Variants in GLIS3 observed in about 807,000 individuals in gnomAD.
The protein encoded by GLIS3 is GLIS family zinc finger 3.
Under a neutral mutation model 78.6 loss-of-function variants are expected in GLIS3, and 53 were observed. The ratio of observed to expected loss-of-function variants is 0.67; its 90% CI spans 0.54 to 0.85. The LOEUF (loss-of-function observed/expected upper bound fraction) is 0.85, where lower values mean the gene tolerates loss of function less well. Among genes scored for constraint, GLIS3 ranks in the 40% least tolerant of loss-of-function variants. The probability of loss-of-function intolerance (pLI) is 0.00; values close to 1 mark genes in which losing one functional copy is unlikely to be tolerated. For synonymous variants in GLIS3, 684 were observed against 509.9 expected (o/e 1.34, Z -4.60); for missense variants, 1,703 against 1,231.1 (o/e 1.38, Z -5.74).
At chr9:3,871,783 A>T (rs1475045460) in intron 8 of GLIS3, among the ~76,000 whole-genome samples, 3 of 152,180 alleles carry the variant, frequency 2.0e-5, no homozygotes, top group Non-Finnish European at 2.9e-5. Context: ...GACCTCTGAG[A>T]TGCACTGGAG....
the GLIS3 span, among the ~76,000 whole-genome samples, chr9:4,356,236 A>G: frequency 0.015 from 2,221 of 152,286 alleles, 59 homozygotes; most frequent in African/African-American, 0.051. Flanking sequence ...ATTCACACTG[A>G]GTTCAGCAGC....
In GLIS3 at chr9:3,994,448, G is replaced by A. The variant is rs189913990; in HGVS notation, c.1711-57259C>T. On this transcript the variant is annotated intron_variant, in intron 4 of 10. Coordinates refer to ENST00000381971, the MANE Select transcript of GLIS3 (RefSeq NM_001042413.2). Reference sequence around the variant, plus strand: ...TTTTCTCACTCAGGATTTGGCAAGCGTATGTCTTCTTTAAAGTGAGACTGA... The same window carrying A: ...TTTTCTCACTCAGGATTTGGCAAGCATATGTCTTCTTTAAAGTGAGACTGA... Among the ~76,000 whole-genome samples the A allele has an allele frequency of 1.5e-3, 227 of 152,274 alleles. 2 individuals carry two copies. The highest frequency in any genetic ancestry group is 4.8e-3 in the African/African-American group (198 of 41,568).
chr9:4,360,936 A>G, the GLIS3 span, among the ~76,000 whole-genome samples: 6 of 152,224 alleles, frequency 3.9e-5, no homozygotes, highest in Non-Finnish European at 8.8e-5. Flanking sequence ...CATTATTTCC[A>G]CAATAGCCAG....
At chr9:3,932,338 G>A in intron 6 of GLIS3, 22 bp downstream of exon 6, 1 of 1,555,802 alleles carries the variant, frequency 6.4e-7, no homozygotes, top group Non-Finnish European at 8.9e-7. Context: ...TTCCCGACTG[G>A]AAGATTCTCT....
chr9:4,322,521 G>C (rs1817548528), intron 2 of GLIS3, among the ~76,000 whole-genome samples: 1 of 152,180 alleles, frequency 6.6e-6, no homozygotes, highest in Non-Finnish European at 1.5e-5. Context: ...CCCACCAATA[G>C]TGTAAAAGTC....
intron 4 of GLIS3, among the ~76,000 whole-genome samples, chr9:4,050,213 A>T (rs1049099896): frequency 6.6e-6 from 1 of 152,328 alleles, no homozygotes; most frequent in East Asian, 1.9e-4. Flanking sequence ...TCCAGCAATG[A>T]TAGACTGGAT....
chr9:4,464,856 T>C, the GLIS3 span, among the ~76,000 whole-genome samples: 6 of 152,224 alleles, frequency 3.9e-5, no homozygotes, highest in Admixed American at 2.0e-4. Context: ...GACTTCACAT[T>C]TGAGTTTAAA....
At chr9:4,484,245 T>TA in the GLIS3 span, among the ~76,000 whole-genome samples, 36 of 148,500 alleles carry the variant, frequency 2.4e-4, no homozygotes, top group Non-Finnish European at 2.2e-4. Context: ...TTTTATTTTT[T>TA]TTATTTTTTT....
At chr9:4,041,309 C>T (rs1421771858) in intron 4 of GLIS3, among the ~76,000 whole-genome samples, 2 of 152,212 alleles carry the variant, frequency 1.3e-5, no homozygotes, top group Non-Finnish European at 2.9e-5. Flanking sequence ...ATAAGGGAAA[C>T]TGCCAAACAT....
At position 4,118,084 on chromosome 9, in the gene GLIS3, T is replaced by A. The variant is rs1471458708; in HGVS notation, c.1394A>T (p.His465Leu). The A allele has an allele frequency of 2.5e-6, 3 of 1,218,778 alleles. No homozygotes were observed. Among genetic ancestry groups the A allele is most frequent in the Non-Finnish European group, 3.3e-6 (3 of 902,312 alleles). The allele number at this position is 1,218,778 out of a possible 1,614,324, so 75.5% of individuals were successfully genotyped here. A position where few individuals can be genotyped will look rare whatever the true frequency, so the allele number is the denominator to read the frequency against. Residue 465 changes from histidine (H) to leucine (L), a missense_variant, in exon 4 of 11, where the codon CAT (histidine) becomes CTT (leucine). Coordinates refer to ENST00000381971, the MANE Select transcript of GLIS3 (RefSeq NM_001042413.2). The surrounding 1 kb of genome is among the most constrained non-coding windows in gnomAD (Gnocchi z 4.7). Reference protein sequence around the residue: ...PPGPPPPYHAHAHLHHPELGP... With the variant: ...PPGPPPPYHALAHLHHPELGP... ...GAGCTCCGGGTGGTGAAGGTGCGCA[T>A]GGGCATGGTAAGGGGGTGGGGGGCC...
chr9:4,124,514 T>C (rs956897720), intron 3 of GLIS3, among the ~76,000 whole-genome samples: 2 of 152,226 alleles, frequency 1.3e-5, no homozygotes, highest in Non-Finnish European at 2.9e-5. Flanking sequence ...CAGTTCATTT[T>C]ACATGCAGCA....
At chr9:4,466,400 T>G in the GLIS3 span, among the ~76,000 whole-genome samples, 9 of 152,196 alleles carry the variant, frequency 5.9e-5, no homozygotes, top group Non-Finnish European at 8.8e-5. Context: ...ACACACACTT[T>G]TTCAGAAAAT....
At chr9:4,451,529 A>C in the GLIS3 span, among the ~76,000 whole-genome samples, 1 of 152,314 alleles carries the variant, frequency 6.6e-6, no homozygotes, top group Admixed American at 6.5e-5. Flanking sequence ...TCTCCACCCC[A>C]TATCAACAGA....
At chr9:4,063,142 T>C (rs377338586) in intron 4 of GLIS3, among the ~76,000 whole-genome samples, 19 of 152,220 alleles carry the variant, frequency 1.2e-4, no homozygotes, top group African/African-American at 4.3e-4. Flanking sequence ...CACCACCTTA[T>C]GTCTGCCTAG....
In GLIS3 at chr9:4,242,847, TTATTAA is replaced by T. The variant is rs143925018; in HGVS notation, c.388+43185_388+43190del. Reference sequence around the variant, plus strand: ...ATAAAAATGTATTACATAAAATATATTATTAATATTAACTTGTTTCATTTTACTTTT... The same window carrying T: ...ATAAAAATGTATTACATAAAATATATTATTAACTTGTTTCATTTTACTTTT... On this transcript the variant is annotated intron_variant, in intron 2 of 10. Transcript: ENST00000381971. Among the ~76,000 whole-genome samples the T allele has an allele frequency of 3.6e-3, 544 of 152,290 alleles. 1 individual carries two copies. Among genetic ancestry groups the T allele is most frequent in the African/African-American group, 0.012 (507 of 41,572 alleles).
intron 4 of GLIS3, among the ~76,000 whole-genome samples, chr9:4,045,259 T>A (rs2130408877): frequency 6.6e-6 from 1 of 152,282 alleles, no homozygotes; most frequent in African/African-American, 2.4e-5. Context: ...GAAACTGATG[T>A]ACACACTGGA....
At chr9:4,318,163 G>A (rs1438303333) in intron 2 of GLIS3, among the ~76,000 whole-genome samples, 3 of 152,180 alleles carry the variant, frequency 2.0e-5, no homozygotes, top group Non-Finnish European at 4.4e-5. Flanking sequence ...CTTGCTGCGG[G>A]AGAAGTGGTG....
chr9:4,295,463 C>G (rs1006150011), intron 1 of GLIS3, among the ~76,000 whole-genome samples: 1 of 152,182 alleles, frequency 6.6e-6, no homozygotes, highest in South Asian at 2.1e-4. Flanking sequence ...AAGGGGGAGT[C>G]CAAATTATTT....
the GLIS3 span, among the ~76,000 whole-genome samples, chr9:4,462,284 A>C: frequency 6.6e-6 from 1 of 152,312 alleles, no homozygotes; most frequent in African/African-American, 2.4e-5. Context: ...AATTAGGAAT[A>C]AGTGTGTAGA....
Sources: allele counts gnomAD v4.1 joint callset (sites outside exome capture counted in the v4.1 genomes callset), GRCh38; gene constraint gnomAD v4.1.1; non-coding constraint Gnocchi (gnomAD v3.1); transcripts MANE v1.5; gene names NCBI Gene and HGNC (gene_info 2026-07-23, HGNC 2026-07-21).